ADAMTSL1: variants seen among roughly 807,000 people sequenced by gnomAD.
ADAMTSL1 encodes ADAMTS-like protein 1.
ADAMTSL1 carries 126 observed loss-of-function variants against 201.8 expected under a neutral mutation model. The ratio of observed to expected loss-of-function variants is 0.62; its 90% CI spans 0.54 to 0.72. The LOEUF (loss-of-function observed/expected upper bound fraction) is 0.72, where lower values mean the gene tolerates loss of function less well. Ranked by LOEUF, ADAMTSL1 falls within the 30% of genes least tolerant of loss-of-function variation. The pLI is 0.00. For synonymous variants in ADAMTSL1, 1,121 were observed against 903.4 expected (o/e 1.24, Z -4.32); for missense variants, 2,679 against 2,277.8 (o/e 1.18, Z -3.59).
intron 4 of ADAMTSL1, among the ~76,000 whole-genome samples, chr9:18,620,883 A>G (rs1174745522): frequency 1.3e-5 from 2 of 152,236 alleles, no homozygotes; most frequent in Admixed American, 6.5e-5. Context: ...TAATGAAAAA[A>G]CATACATTAC....
At chr9:18,228,544 T>A (rs771616661) in intron 2 of ADAMTSL1, among the ~76,000 whole-genome samples, 5 of 152,116 alleles carry the variant, frequency 3.3e-5, no homozygotes, top group Non-Finnish European at 5.9e-5. Context: ...TTCAGCCTCC[T>A]GGGTAGCTGG....
At chr9:18,426,272 A>G (rs778212458) in intron 2 of ADAMTSL1, among the ~76,000 whole-genome samples, 25 of 152,274 alleles carry the variant, frequency 1.6e-4, no homozygotes, top group Non-Finnish European at 2.9e-4. Context: ...GACCCAAGTC[A>G]TAGAGGGCTG....
chr9:18,214,691 A>T (rs1563812597), intron 2 of ADAMTSL1, among the ~76,000 whole-genome samples: 1 of 152,214 alleles, frequency 6.6e-6, no homozygotes, highest in African/African-American at 2.4e-5. Flanking sequence ...TAATGTTTAC[A>T]AAAGTTTTAT....
At chr9:18,780,415 C>T (rs1307703914) in intron 19 of ADAMTSL1, among the ~76,000 whole-genome samples, 3 of 152,140 alleles carry the variant, frequency 2.0e-5, no homozygotes, top group African/African-American at 4.8e-5. Context: ...TTTCTAAATG[C>T]TCCACAAACA....
intron 2 of ADAMTSL1, among the ~76,000 whole-genome samples, chr9:18,245,242 T>G (rs956361142): frequency 3.3e-5 from 5 of 152,174 alleles, no homozygotes; most frequent in African/African-American, 1.2e-4. Flanking sequence ...AATTTTCTAA[T>G]AGATGCATTT....
intron 1 of ADAMTSL1, among the ~76,000 whole-genome samples, chr9:17,963,532 G>T (rs936468699): frequency 9.2e-5 from 14 of 152,096 alleles, no homozygotes; most frequent in African/African-American, 3.4e-4. Context: ...AAAACAGTAG[G>T]GAATCAAGAG....
chr9:18,723,728 A>C (rs1817691057), intron 15 of ADAMTSL1: 1 of 152,646 alleles, frequency 6.6e-6, no homozygotes, highest in Admixed American at 6.5e-5. Context: ...TGCTAATTGC[A>C]ACAATAAAGG....
intron 1 of ADAMTSL1, among the ~76,000 whole-genome samples, chr9:17,966,156 CCTT>C (rs1431607450): frequency 7.9e-5 from 12 of 152,072 alleles, no homozygotes; most frequent in Non-Finnish European, 2.9e-5. Flanking sequence ...GTCTGGGAAA[CCTT>C]CTGAATACTC....
intron 1 of ADAMTSL1, among the ~76,000 whole-genome samples, chr9:17,985,061 G>A (rs1438616916): frequency 6.6e-6 from 1 of 152,094 alleles, no homozygotes; most frequent in Non-Finnish European, 1.5e-5. Context: ...TTTAAAATAG[G>A]AAGATGGAAT....
At chr9:18,056,582 G>A (rs1288987210) in intron 1 of ADAMTSL1, among the ~76,000 whole-genome samples, 4 of 152,130 alleles carry the variant, frequency 2.6e-5, no homozygotes, top group Admixed American at 2.6e-4. Context: ...TTCTGTGGGA[G>A]GTAGGGAGCA....
intron 3 of ADAMTSL1, among the ~76,000 whole-genome samples, chr9:18,543,775 G>C (rs549625311): frequency 1.7e-4 from 26 of 152,162 alleles, no homozygotes; most frequent in Non-Finnish European, 3.7e-4. Flanking sequence ...TGCAGTGCTT[G>C]CTGCCAGGCA....
chr9:18,007,221 C>A (rs889169008), intron 1 of ADAMTSL1, among the ~76,000 whole-genome samples: 8 of 151,992 alleles, frequency 5.3e-5, no homozygotes, highest in Non-Finnish European at 1.5e-5. Context: ...TGCAGTAGCA[C>A]CTCATGGAAC....
At chr9:18,862,112 C>A (rs141456000) in intron 23 of ADAMTSL1, among the ~76,000 whole-genome samples, 25 of 152,290 alleles carry the variant, frequency 1.6e-4, no homozygotes, top group African/African-American at 6.0e-4. Flanking sequence ...CCCAGTGAGG[C>A]CTCCCGGGAT....
chr9:18,697,364 C>G (rs146196543), intron 13 of ADAMTSL1, among the ~76,000 whole-genome samples: 232 of 152,294 alleles, frequency 1.5e-3, no homozygotes, highest in African/African-American at 5.2e-3. Context: ...CACCAGACCT[C>G]TACAGGGAAA....
At chr9:18,714,748 T>G (rs1378053407) in intron 14 of ADAMTSL1, among the ~76,000 whole-genome samples, 1 of 152,078 alleles carries the variant, frequency 6.6e-6, no homozygotes, top group Non-Finnish European at 1.5e-5. Flanking sequence ...ACTCATTTGA[T>G]GAGGCCAGTA....
intron 15 of ADAMTSL1, 47 bp from the exon 16 acceptor site, chr9:18,753,251 G>T (rs765352157): frequency 6.5e-7 from 1 of 1,545,648 alleles, no homozygotes; most frequent in Non-Finnish European, 8.8e-7. Flanking sequence ...AACATTCTCT[G>T]CACAGGTACT....
At chr9:18,134,917 AT>A in intron 1 of ADAMTSL1, among the ~76,000 whole-genome samples, 1 of 152,178 alleles carries the variant, frequency 6.6e-6, no homozygotes, top group African/African-American at 2.4e-5. Context: ...CACAACTTCA[AT>A]AACTGTAAGG....
chr9:18,243,877 A>T (rs767843721), intron 2 of ADAMTSL1, among the ~76,000 whole-genome samples: 3 of 150,598 alleles, frequency 2.0e-5, no homozygotes, highest in Non-Finnish European at 1.5e-5. Flanking sequence ...CTCTGCTTGT[A>T]CCAGTGGCAC....
At chr9:18,754,787 T>C (rs1452719205) in intron 16 of ADAMTSL1, among the ~76,000 whole-genome samples, 3 of 152,186 alleles carry the variant, frequency 2.0e-5, no homozygotes, top group African/African-American at 7.2e-5. Context: ...ACATTAAATA[T>C]ATATTTTCTT....
Sources: allele counts gnomAD v4.1 joint callset (sites outside exome capture counted in the v4.1 genomes callset), GRCh38; gene constraint gnomAD v4.1.1; transcripts MANE v1.5; gene names NCBI Gene and HGNC (gene_info 2026-07-23, HGNC 2026-07-21).